Variants in GPC5 observed in about 807,000 individuals in gnomAD.
GPC5 encodes glypican 5, also known as glypican-5.
Under a neutral mutation model 53.9 loss-of-function variants are expected in GPC5, and 47 were observed. The observed-to-expected ratio is 0.87, with a 90% CI of 0.69 to 1.11. The LOEUF (loss-of-function observed/expected upper bound fraction) is 1.11. Among genes scored for constraint, GPC5 ranks in the 50% most tolerant of loss-of-function variants. The pLI is 0.00. For synonymous variants in GPC5, 286 were observed against 263.3 expected, an observed-to-expected ratio of 1.09 and a Z score of -0.84; for missense variants, 748 against 713.1, an observed-to-expected ratio of 1.05 and a Z score of -0.56.
At chr13:92,802,577 A>C (rs536777686) in intron 7 of GPC5, among the ~76,000 whole-genome samples, 5 of 152,068 alleles carry the variant, frequency 3.3e-5, no homozygotes. Flanking sequence ...GACTGGATTA[A>C]GAAAATGTGG....
intron 6 of GPC5, among the ~76,000 whole-genome samples, chr13:91,987,183 A>G (rs1437045441): frequency 4.6e-5 from 7 of 152,256 alleles, no homozygotes; most frequent in African/African-American, 9.6e-5. Context: ...CCAGTCAATA[A>G]AATTCTACTG....
intron 2 of GPC5, among the ~76,000 whole-genome samples, chr13:91,482,623 G>C (rs1427871223): frequency 6.6e-6 from 1 of 152,200 alleles, no homozygotes; most frequent in African/African-American, 2.4e-5. Flanking sequence ...GCACATTAAA[G>C]CAGGAGAACC....
At chr13:92,739,781 T>C (rs1190395275) in intron 7 of GPC5, among the ~76,000 whole-genome samples, 1 of 151,042 alleles carries the variant, frequency 6.6e-6, no homozygotes, top group Non-Finnish European at 1.5e-5. Flanking sequence ...GAAAAAAGAA[T>C]AGTCCCTTGA....
At chr13:92,717,702 T>C (rs911902280) in intron 7 of GPC5, among the ~76,000 whole-genome samples, 1 of 152,236 alleles carries the variant, frequency 6.6e-6, no homozygotes, top group Admixed American at 6.5e-5. Context: ...AATAATTTAA[T>C]GCTGAAAATT....
At chr13:91,512,083 C>A (rs191303494) in intron 2 of GPC5, among the ~76,000 whole-genome samples, 1 of 152,108 alleles carries the variant, frequency 6.6e-6, no homozygotes, top group African/African-American at 2.4e-5. Context: ...TCACCACAGG[C>A]TTTAAATATA....
intron 6 of GPC5, among the ~76,000 whole-genome samples, chr13:92,124,063 C>T (rs369720676): frequency 2.6e-5 from 4 of 150,990 alleles, no homozygotes; most frequent in Non-Finnish European, 5.9e-5. Context: ...TTAACAAAAT[C>T]GAAATCTCAA....
chr13:92,325,300 G>A (rs1354022871), intron 7 of GPC5, among the ~76,000 whole-genome samples: 1 of 151,940 alleles, frequency 6.6e-6, no homozygotes, highest in Admixed American at 6.6e-5. Context: ...GCCTTTAAAA[G>A]CACATATTGA....
rs550418987 is a variant in GPC5 at position 92,324,404 on chromosome 13, A to G, written c.1561+179415A>G. Among the ~76,000 whole-genome samples the G allele has an allele frequency of 1.3e-4, 20 of 152,028 alleles. No homozygotes were observed. The South Asian group carries it at 4.1e-3, about 31-fold the overall frequency. ...AAAATGACGTGCATGGTGAGGGATAAAGTACATTTTTCTAGAAACACATTT... is the reference window on the plus strand; with the variant it reads ...AAAATGACGTGCATGGTGAGGGATAGAGTACATTTTTCTAGAAACACATTT... On this transcript the variant is annotated intron_variant, in intron 7 of 7. Transcript: ENST00000377067.
At chr13:92,435,923 G>A (rs2149065) in intron 7 of GPC5, among the ~76,000 whole-genome samples, 45,070 of 151,948 alleles carry the variant, frequency 0.3, 7,669 homozygotes, top group East Asian at 0.61. Context: ...CTAAAATACA[G>A]CACTTCATTT....
chr13:92,049,413 G>A (rs41516148), intron 6 of GPC5, among the ~76,000 whole-genome samples: 2,119 of 152,038 alleles, frequency 0.014, 58 homozygotes, highest in African/African-American at 0.049. Flanking sequence ...AACCTTTGTC[G>A]AATGAATAAA....
intron 7 of GPC5, among the ~76,000 whole-genome samples, chr13:92,599,328 A>C (rs1883973550): frequency 1.3e-5 from 2 of 152,194 alleles, no homozygotes; most frequent in African/African-American, 2.4e-5. Context: ...CTATGCTAAA[A>C]TTTGGAAACT....
intron 7 of GPC5, among the ~76,000 whole-genome samples, chr13:92,516,461 C>A (rs558065006): frequency 6.6e-6 from 1 of 152,152 alleles, no homozygotes; most frequent in Non-Finnish European, 1.5e-5. Flanking sequence ...GTCAAAATGG[C>A]TAAAATGAAT....
intron 7 of GPC5, among the ~76,000 whole-genome samples, chr13:92,673,105 C>T (rs1362803447): frequency 6.6e-6 from 1 of 151,892 alleles, no homozygotes; most frequent in Non-Finnish European, 1.5e-5. Context: ...TTGATATCAA[C>T]TTTAAATAAT....
At chr13:91,850,303 G>C (rs1160156174) in intron 5 of GPC5, among the ~76,000 whole-genome samples, 1 of 151,994 alleles carries the variant, frequency 6.6e-6, no homozygotes, top group East Asian at 1.9e-4. Context: ...AACAACCTGG[G>C]ACTATTTTAC....
chr13:92,111,799 A>G (rs933321871), intron 6 of GPC5, among the ~76,000 whole-genome samples: 2 of 152,222 alleles, frequency 1.3e-5, no homozygotes, highest in Non-Finnish European at 2.9e-5. Flanking sequence ...TTATGAAGAA[A>G]TGCATCAACA....
intron 7 of GPC5, among the ~76,000 whole-genome samples, chr13:92,707,630 T>A (rs1445271374): frequency 6.8e-6 from 1 of 147,064 alleles, no homozygotes; most frequent in East Asian, 2.0e-4. Flanking sequence ...AGCTCTTCTT[T>A]AAAAAAAAAA....
At chr13:91,635,952 C>T (rs1248246444) in intron 2 of GPC5, among the ~76,000 whole-genome samples, 1 of 152,054 alleles carries the variant, frequency 6.6e-6, no homozygotes, top group African/African-American at 2.4e-5. Context: ...TTATCTCCCT[C>T]AGTAGTTTTA....
intron 7 of GPC5, among the ~76,000 whole-genome samples, chr13:92,218,350 C>CTATTT (rs752909771): frequency 1.3e-5 from 2 of 152,166 alleles, no homozygotes; most frequent in Non-Finnish European, 2.9e-5. Context: ...TTCCCTTTTG[C>CTATTT]TATTTTATTT....
chr13:91,399,221 T>A lies in GPC5; in HGVS notation c.163+12T>A. ...TTCGCCGCGGGCAGGTAAGGGGCAA[T>A]GAGGGGGTCTCTGGACTGGCGGCGT... On this transcript the variant is annotated intron_variant, in intron 1 of 7. Coordinates refer to ENST00000377067, the MANE Select transcript of GPC5 (RefSeq NM_004466.6). The A allele has an allele frequency of 6.2e-7, 1 of 1,609,784 alleles. No individual in the cohort carries two copies. Among genetic ancestry groups the A allele is most frequent in the Non-Finnish European group, 8.5e-7 (1 of 1,178,752 alleles).
Sources: allele counts gnomAD v4.1 joint callset (sites outside exome capture counted in the v4.1 genomes callset), GRCh38; gene constraint gnomAD v4.1.1; transcripts MANE v1.5; gene names NCBI Gene and HGNC (gene_info 2026-07-23, HGNC 2026-07-21).